Variants in ARHGAP15 observed in about 807,000 individuals in gnomAD.
The protein encoded by ARHGAP15 is Rho GTPase activating protein 15.
ARHGAP15 carries 51 observed loss-of-function variants against 63.7 expected under a neutral mutation model. That is an observed-to-expected ratio of 0.80 (90% CI 0.64 to 1.01). The LOEUF (loss-of-function observed/expected upper bound fraction) is 1.01. ARHGAP15 is among the 50% of genes least tolerant of loss of function. The pLI is 0.00. For synonymous variants in ARHGAP15, 191 were observed against 193.8 expected, an observed-to-expected ratio of 0.99 and a Z score of 0.12; for missense variants, 560 against 564.6, an observed-to-expected ratio of 0.99 and a Z score of 0.08.
chr2:143,544,568 C>T (rs2105058123), intron 10 of ARHGAP15, among the ~76,000 whole-genome samples: 1 of 152,168 alleles, frequency 6.6e-6, no homozygotes, highest in East Asian at 1.9e-4. Context: ...TATAATCCAC[C>T]TCACAGAGAA....
chr2:143,176,652 G>GA (rs1364195996), intron 2 of ARHGAP15, among the ~76,000 whole-genome samples: 1 of 152,040 alleles, frequency 6.6e-6, no homozygotes, highest in South Asian at 2.1e-4. Context: ...GTTTAGAAAA[G>GA]AAAAAAGAGT....
chr2:143,420,449 A>G (rs1028960534), intron 6 of ARHGAP15, among the ~76,000 whole-genome samples: 1 of 152,204 alleles, frequency 6.6e-6, no homozygotes, highest in African/African-American at 2.4e-5. Flanking sequence ...GCCTTGTGCC[A>G]TCACATCATC....
chr2:143,395,329 G>A (rs960549026), intron 6 of ARHGAP15, among the ~76,000 whole-genome samples: 1 of 152,092 alleles, frequency 6.6e-6, no homozygotes, highest in Non-Finnish European at 1.5e-5. Context: ...CAATAGAAAT[G>A]TTCCAGCCCC....
rs541585694 is a variant in ARHGAP15, at chr2:143,538,798, A to AT, written c.926-17605dup. Among the ~76,000 whole-genome samples, 349 of 152,162 alleles carry AT rather than the reference A, an allele frequency of 2.3e-3. 1 individual carries two copies. The highest frequency in any genetic ancestry group is 7.3e-3 in the African/African-American group (304 of 41,506). ...TCGGTTTGCCAGTATTTTATTGAGG[A>AT]TTTTTGCACCAATGTTCATCAAGGA... On this transcript the variant is annotated intron_variant, in intron 10 of 13. Coordinates refer to ENST00000295095, the MANE Select transcript of ARHGAP15 (RefSeq NM_018460.4).
intron 2 of ARHGAP15, among the ~76,000 whole-genome samples, chr2:143,165,355 CT>C (rs1218520432): frequency 6.6e-6 from 1 of 152,072 alleles, no homozygotes; most frequent in Non-Finnish European, 1.5e-5. Flanking sequence ...ACTAAACCTG[CT>C]TTCTTTCCCA....
chr2:143,134,720 G>T (rs779781226), intron 1 of ARHGAP15, among the ~76,000 whole-genome samples: 11 of 148,376 alleles, frequency 7.4e-5, no homozygotes, highest in Non-Finnish European at 1.0e-4. Flanking sequence ...CTGCAAGCTC[G>T]GCCTCCCGGG....
intron 1 of ARHGAP15, among the ~76,000 whole-genome samples, chr2:143,151,312 C>T (rs1231791824): frequency 6.6e-6 from 1 of 151,990 alleles, no homozygotes; most frequent in East Asian, 1.9e-4. Context: ...TTGCATCATA[C>T]AGCTCTAGGA....
intron 3 of ARHGAP15, among the ~76,000 whole-genome samples, chr2:143,208,085 G>A (rs571875328): frequency 1.3e-5 from 2 of 152,158 alleles, no homozygotes; most frequent in African/African-American, 4.8e-5. Context: ...TAATATACAG[G>A]AAAATACTTC....
intron 2 of ARHGAP15, among the ~76,000 whole-genome samples, chr2:143,181,774 A>G (rs1051956210): frequency 2.0e-5 from 3 of 152,152 alleles, no homozygotes; most frequent in African/African-American, 7.2e-5. Context: ...TAGCAACAAG[A>G]AGTTTGTTTT....
chr2:143,397,318 GT>G (rs1687807735), intron 6 of ARHGAP15, among the ~76,000 whole-genome samples: 2 of 69,998 alleles, frequency 2.9e-5, no homozygotes, highest in Admixed American at 1.6e-4. Context: ...AGATATGTAT[GT>G]GTGTGTGTGT....
intron 12 of ARHGAP15, among the ~76,000 whole-genome samples, chr2:143,635,159 A>G (rs1337930407): frequency 2.0e-5 from 2 of 100,520 alleles, no homozygotes; most frequent in South Asian, 3.2e-4. Flanking sequence ...TTTTTTAATT[A>G]TCTCAAGAGA....
At chr2:143,745,587 A>G (rs770773079) in intron 13 of ARHGAP15, among the ~76,000 whole-genome samples, 3 of 152,208 alleles carry the variant, frequency 2.0e-5, no homozygotes, top group Admixed American at 2.0e-4. Context: ...GTACATATAA[A>G]CATCCTATAA....
intron 11 of ARHGAP15, among the ~76,000 whole-genome samples, chr2:143,611,086 A>G (rs1240759601): frequency 6.6e-6 from 1 of 152,138 alleles, no homozygotes; most frequent in East Asian, 1.9e-4. Flanking sequence ...GTATACCGTA[A>G]TGGAATTTAC....
chr2:143,309,059 A>G (rs1416467226), intron 6 of ARHGAP15, among the ~76,000 whole-genome samples: 1 of 151,766 alleles, frequency 6.6e-6, no homozygotes, highest in Non-Finnish European at 1.5e-5. Context: ...TGCTAAAGGT[A>G]TTTTCATTTT....
At chr2:143,145,278 G>A (rs1334314160) in intron 1 of ARHGAP15, among the ~76,000 whole-genome samples, 1 of 152,030 alleles carries the variant, frequency 6.6e-6, no homozygotes, top group Non-Finnish European at 1.5e-5. Flanking sequence ...CTGGGCTTGT[G>A]ATGTACAAAT....
At chr2:143,568,254 T>A (rs375718830) in intron 11 of ARHGAP15, among the ~76,000 whole-genome samples, 1 of 151,816 alleles carries the variant, frequency 6.6e-6, no homozygotes, top group South Asian at 2.1e-4. Flanking sequence ...TGGGAGAAAA[T>A]TTTTGCAATC....
chr2:143,512,133 T>A (rs550877429), intron 9 of ARHGAP15, among the ~76,000 whole-genome samples: 5 of 152,302 alleles, frequency 3.3e-5, no homozygotes, highest in African/African-American at 1.2e-4. Context: ...CTATCAAATA[T>A]ATTTGTCTTC....
rs1695804737 is a variant in ARHGAP15 at position 143,556,484 on chromosome 2, A to G, written c.1002A>G (p.Gln334=). 1.2e-6 allele frequency: 2 copies of G among 1,610,704 alleles called. No homozygotes were observed. The highest frequency in any genetic ancestry group is 1.1e-5 in the South Asian group (1 of 90,804). The change falls in exon 11 of 14, where the codon CAA becomes CAG. Residue 334 remains glutamine, a splice_region_variant and synonymous_variant. Transcript: ENST00000295095. The part of the protein sequence containing the change: ...TIQKLRFIVN[Q]EEKLNLDDSQ... ...AGAAGTTAAGATTTATTGTCAACCA[A>G]GGTAAGTGATTTCCACTTCAGAGAT...
At chr2:143,134,631 T>A (rs75595996) in intron 1 of ARHGAP15, among the ~76,000 whole-genome samples, 1,862 of 105,578 alleles carry the variant, frequency 0.018, 44 homozygotes, top group African/African-American at 0.059. Flanking sequence ...GTATTCCTTT[T>A]CTTTTTTTTT....
Sources: allele counts gnomAD v4.1 joint callset (sites outside exome capture counted in the v4.1 genomes callset), GRCh38; gene constraint gnomAD v4.1.1; transcripts MANE v1.5; gene names NCBI Gene and HGNC (gene_info 2026-07-23, HGNC 2026-07-21).